ZNF385D: variants seen among roughly 807,000 people sequenced by gnomAD.
ZNF385D encodes zinc finger protein 659.
ZNF385D carries 15 observed loss-of-function variants against 35.8 expected under a neutral mutation model. That is an observed-to-expected ratio of 0.42 (90% CI 0.28 to 0.64). The LOEUF (loss-of-function observed/expected upper bound fraction) is 0.64. ZNF385D is among the 30% of genes least tolerant of loss of function. The pLI, the probability that ZNF385D is intolerant of heterozygous loss-of-function variation, is 0.23. For missense variants in ZNF385D, 474 were observed against 494.6 expected (o/e 0.96, Z 0.39); for synonymous variants, 212 against 186.8 (o/e 1.13, Z -1.10).
chr3:22,321,161 CTTGTT>C (rs1694400510), intron 2 of ZNF385D, among the ~76,000 whole-genome samples: 1 of 51,566 alleles, frequency 1.9e-5, no homozygotes. Flanking sequence ...CACTTATGAC[CTTGTT>C]TTTTTTTTTT....
chr3:21,616,476 G>A (rs1258524924), intron 2 of ZNF385D, among the ~76,000 whole-genome samples: 19 of 152,176 alleles, frequency 1.2e-4, no homozygotes, highest in Admixed American at 1.2e-3. Context: ...TTTGAAGGAG[G>A]TTGGGGGACC....
At chr3:21,804,269 T>C (rs1026145107) in intron 3 of ZNF385D, among the ~76,000 whole-genome samples, 5 of 152,224 alleles carry the variant, frequency 3.3e-5, no homozygotes, top group African/African-American at 7.2e-5. Context: ...TTGCCCTTTA[T>C]AAATTTTGTT....
intron 2 of ZNF385D, among the ~76,000 whole-genome samples, chr3:21,611,153 A>G (rs956026118): frequency 8.5e-5 from 13 of 152,250 alleles, no homozygotes; most frequent in African/African-American, 2.9e-4. Flanking sequence ...TTGCCTTTGC[A>G]GTACTATTCA....
At chr3:21,814,463 G>C (rs1206195511) in intron 3 of ZNF385D, among the ~76,000 whole-genome samples, 2 of 152,152 alleles carry the variant, frequency 1.3e-5, no homozygotes, top group Non-Finnish European at 2.9e-5. Flanking sequence ...GACACAGATA[G>C]GCTCAAAATA....
chr3:21,463,753 C>T (rs1054922450), intron 4 of ZNF385D, among the ~76,000 whole-genome samples: 1 of 152,138 alleles, frequency 6.6e-6, no homozygotes, highest in African/African-American at 2.4e-5. Flanking sequence ...ATCTGCAGCC[C>T]CTCAGTTTTC....
intron 2 of ZNF385D, among the ~76,000 whole-genome samples, chr3:22,247,817 A>G (rs550835977): frequency 6.6e-6 from 1 of 151,780 alleles, no homozygotes; most frequent in Non-Finnish European, 1.5e-5. Context: ...GTTGGCCAGG[A>G]TGGTGTTCAT....
rs2062594778 is a variant in ZNF385D, at chr3:21,552,313, A to ATT, written c.276+12259_276+12260dup. ...ATTGATAAATCCAATCAATCTTGAC[A>ATT]TTTGGTGTCTAAATATTTTGTAAAA... is the stretch of plus-strand genomic sequence containing the variant. On this transcript the variant is annotated intron_variant, in intron 3 of 7. Transcript: ENST00000281523. 2.0e-5 allele frequency among the ~76,000 whole-genome samples: 3 copies of ATT among 152,272 alleles called. No homozygotes were observed. The South Asian group carries it at 6.2e-4, about 32-fold the overall frequency.
chr3:22,161,069 A>G (rs1705918089), intron 3 of ZNF385D, among the ~76,000 whole-genome samples: 2 of 152,124 alleles, frequency 1.3e-5, no homozygotes, highest in African/African-American at 4.8e-5. Flanking sequence ...ACTTCATTCT[A>G]TACCTCATAA....
At chr3:21,926,166 G>C (rs529815391) in intron 3 of ZNF385D, among the ~76,000 whole-genome samples, 1 of 152,000 alleles carries the variant, frequency 6.6e-6, no homozygotes, top group South Asian at 2.1e-4. Context: ...TTAAGTTCTG[G>C]AGTACATGTG....
chr3:22,367,977 T>C (rs1003584287), intron 2 of ZNF385D, among the ~76,000 whole-genome samples: 2 of 152,190 alleles, frequency 1.3e-5, no homozygotes, highest in East Asian at 1.9e-4. Flanking sequence ...AGATCAGTAC[T>C]GTTTCCTGAA....
At chr3:22,001,042 A>G (rs939008492) in intron 3 of ZNF385D, among the ~76,000 whole-genome samples, 2 of 152,156 alleles carry the variant, frequency 1.3e-5, no homozygotes, top group African/African-American at 4.8e-5. Flanking sequence ...ATATAAAATC[A>G]ATGAACTGCA....
intron 2 of ZNF385D, among the ~76,000 whole-genome samples, chr3:22,227,815 A>G (rs1698651210): frequency 6.6e-6 from 1 of 152,152 alleles, no homozygotes; most frequent in Non-Finnish European, 1.5e-5. Context: ...TAATTTACAT[A>G]TAATTAAAGT....
At chr3:21,638,505 C>T (rs1444927935) in intron 2 of ZNF385D, among the ~76,000 whole-genome samples, 4 of 152,082 alleles carry the variant, frequency 2.6e-5, no homozygotes, top group East Asian at 3.9e-4. Flanking sequence ...ATCCCTGCAT[C>T]GCCCTGTGGG....
intron 1 of ZNF385D, among the ~76,000 whole-genome samples, chr3:21,701,875 T>C (rs1297836093): frequency 6.6e-6 from 1 of 152,220 alleles, no homozygotes; most frequent in African/African-American, 2.4e-5. Context: ...GTCACACTGA[T>C]GCAAGTGGTT....
intron 3 of ZNF385D, among the ~76,000 whole-genome samples, chr3:22,008,687 A>C (rs1696376389): frequency 6.6e-6 from 1 of 152,158 alleles, no homozygotes; most frequent in Non-Finnish European, 1.5e-5. Flanking sequence ...CAATGCAATC[A>C]AGTTGGGAAG....
chr3:21,819,060 T>C (rs1313499107), intron 3 of ZNF385D, among the ~76,000 whole-genome samples: 2 of 152,020 alleles, frequency 1.3e-5, no homozygotes, highest in African/African-American at 2.4e-5. Context: ...TAACAGGGCC[T>C]TGTAATTTTC....
chr3:22,324,083 T>TA (rs1243973735), intron 2 of ZNF385D, among the ~76,000 whole-genome samples: 1 of 151,866 alleles, frequency 6.6e-6, no homozygotes, highest in African/African-American at 2.4e-5. Context: ...ATAATTGTGC[T>TA]AAAAAATAAT....
intron 2 of ZNF385D, among the ~76,000 whole-genome samples, chr3:22,174,870 G>A (rs1423823124): frequency 6.6e-6 from 1 of 151,962 alleles, no homozygotes; most frequent in African/African-American, 2.4e-5. Context: ...ACAGGTGACA[G>A]ATTTTGGCCA....
intron 3 of ZNF385D, among the ~76,000 whole-genome samples, chr3:21,760,897 G>C (rs536838368): frequency 6.6e-6 from 1 of 152,096 alleles, no homozygotes. Context: ...TATATTTAGC[G>C]TCATTTTTAA....
Sources: gnomAD v4.1 joint callset for allele counts (sites outside exome capture counted in the v4.1 genomes callset) on GRCh38, gnomAD v4.1.1 for gene constraint, MANE v1.5 for transcripts, NCBI Gene and HGNC (gene_info 2026-07-23, HGNC 2026-07-21) for gene names.